The following FSTL4 variants were observed in gnomAD, a reference collection of about 807,000 sequenced individuals.
The protein encoded by FSTL4 is follistatin like 4.
In FSTL4, 28 loss-of-function variants were observed where a neutral mutation model predicts 78.2. That is an observed-to-expected ratio of 0.36 (90% CI 0.27 to 0.49). The LOEUF is 0.49. FSTL4 is among the 20% of genes least tolerant of loss of function. FSTL4 has a pLI of 0.98. For synonymous variants in FSTL4, 422 were observed against 440.5 expected (o/e 0.96, Z 0.53); for missense variants, 922 against 1,084.9 (o/e 0.85, Z 2.11).
chr5:133,496,134 T>C (rs1051925448), intron 3 of FSTL4, among the ~76,000 whole-genome samples: 23 of 152,220 alleles, frequency 1.5e-4, no homozygotes, highest in African/African-American at 5.5e-4. Context: ...ACTATGCCAC[T>C]ACACTCCACA....
chr5:133,240,053 C>T (rs903491056), intron 7 of FSTL4, among the ~76,000 whole-genome samples: 5 of 152,208 alleles, frequency 3.3e-5, no homozygotes, highest in African/African-American at 1.2e-4. Context: ...GCAATAAATG[C>T]TGCTGCTCAC....
intron 3 of FSTL4, among the ~76,000 whole-genome samples, chr5:133,409,912 G>A (rs1036061236): frequency 6.6e-6 from 1 of 152,212 alleles, no homozygotes; most frequent in Admixed American, 6.5e-5. Context: ...GCAACCCTCA[G>A]TTTCCTCGTG....
intron 1 of FSTL4, among the ~76,000 whole-genome samples, chr5:133,605,664 C>G (rs1313779363): frequency 1.3e-5 from 2 of 152,162 alleles, no homozygotes; most frequent in African/African-American, 4.8e-5. Flanking sequence ...AAATTGTGGG[C>G]CTATGGCACT....
the FSTL4 span, among the ~76,000 whole-genome samples, chr5:133,839,202 T>C: frequency 2.0e-5 from 3 of 152,192 alleles, no homozygotes; most frequent in Admixed American, 6.5e-5. Context: ...TAGGCAGACA[T>C]GGCCTGAGTC....
chr5:133,511,803 G>C (rs1453204853), intron 3 of FSTL4, among the ~76,000 whole-genome samples: 1 of 152,170 alleles, frequency 6.6e-6, no homozygotes, highest in African/African-American at 2.4e-5. Context: ...AGAGGAAAGA[G>C]ACAGGGCAGC....
the FSTL4 span, among the ~76,000 whole-genome samples, chr5:133,677,567 A>T: frequency 6.6e-6 from 1 of 152,250 alleles, no homozygotes; most frequent in East Asian, 1.9e-4. Context: ...CCTGCAAGTG[A>T]ATAGACTTAA....
the FSTL4 span, among the ~76,000 whole-genome samples, chr5:133,813,105 T>C: frequency 1.3e-5 from 2 of 151,998 alleles, no homozygotes; most frequent in African/African-American, 4.8e-5. Flanking sequence ...CCCACACTCA[T>C]CTCCAGAAGT....
At chr5:133,583,234 C>G (rs1375367494) in intron 2 of FSTL4, 1 of 455,912 alleles carries the variant, frequency 2.2e-6, no homozygotes, top group South Asian at 1.5e-5. Flanking sequence ...ATCACAGTAA[C>G]CAACTTGGCT....
At chr5:133,315,255 G>A (rs1753876969) in intron 5 of FSTL4, among the ~76,000 whole-genome samples, 1 of 152,202 alleles carries the variant, frequency 6.6e-6, no homozygotes, top group Non-Finnish European at 1.5e-5. Context: ...GTTCACAGCT[G>A]AACACAGAGG....
intron 2 of FSTL4, among the ~76,000 whole-genome samples, chr5:133,577,938 AGCACTTTGGG>A (rs1760322081): frequency 6.6e-6 from 1 of 152,238 alleles, no homozygotes; most frequent in Non-Finnish European, 1.5e-5. Flanking sequence ...GCAAGTCTCC[AGCACTTTGGG>A]GCTGAAACAG....
chr5:133,240,452 G>A (rs779372841), intron 7 of FSTL4, among the ~76,000 whole-genome samples: 3 of 152,200 alleles, frequency 2.0e-5, no homozygotes, highest in East Asian at 1.9e-4. Context: ...TGCATTCAGT[G>A]TGAGCAACCT....
intron 6 of FSTL4, among the ~76,000 whole-genome samples, chr5:133,286,735 C>T (rs1049374330): frequency 6.6e-6 from 1 of 152,170 alleles, no homozygotes; most frequent in African/African-American, 2.4e-5. Flanking sequence ...CAGTGGACTG[C>T]AAGGATCCTA....
chr5:133,221,891 G>GA (rs1751119476), intron 11 of FSTL4, among the ~76,000 whole-genome samples: 2 of 43,360 alleles, frequency 4.6e-5, no homozygotes, highest in Middle Eastern at 0.013. Flanking sequence ...CTCTTTTCTA[G>GA]TTTTTTTTTT....
At chr5:133,608,913 C>G (rs147755559) in intron 1 of FSTL4, among the ~76,000 whole-genome samples, 22 of 152,198 alleles carry the variant, frequency 1.4e-4, no homozygotes, top group African/African-American at 5.1e-4. Flanking sequence ...CTTTATTGAC[C>G]AAGTTCATAG....
chr5:133,332,297 A>G (rs1754367507), intron 4 of FSTL4, among the ~76,000 whole-genome samples: 1 of 152,192 alleles, frequency 6.6e-6, no homozygotes, highest in African/African-American at 2.4e-5. Context: ...CACACTGCGC[A>G]ATGACTCCAG....
intron 6 of FSTL4, among the ~76,000 whole-genome samples, chr5:133,285,090 A>T (rs1028955423): frequency 6.6e-6 from 1 of 152,246 alleles, no homozygotes; most frequent in Non-Finnish European, 1.5e-5. Context: ...AAAACATGGC[A>T]TTGAGTCAAT....
At chr5:133,802,646 C>T in the FSTL4 span, among the ~76,000 whole-genome samples, 2 of 144,442 alleles carry the variant, frequency 1.4e-5, no homozygotes, top group Non-Finnish European at 1.5e-5. Context: ...CTGCACAGAG[C>T]ACCATCATCC....
intron 3 of FSTL4, among the ~76,000 whole-genome samples, chr5:133,473,686 T>G (rs1335646301): frequency 6.6e-6 from 1 of 152,240 alleles, no homozygotes; most frequent in Non-Finnish European, 1.5e-5. Flanking sequence ...CTCATGCTGC[T>G]GTGAAGAAAT....
At chr5:133,823,144 C>G in the FSTL4 span, among the ~76,000 whole-genome samples, 2 of 152,158 alleles carry the variant, frequency 1.3e-5, no homozygotes, top group African/African-American at 4.8e-5. Flanking sequence ...TCTGGATGGG[C>G]AAGAACAAAA....
Sources: gnomAD v4.1 joint callset for allele counts (sites outside exome capture counted in the v4.1 genomes callset) on GRCh38, gnomAD v4.1.1 for gene constraint, MANE v1.5 for transcripts, NCBI Gene and HGNC (gene_info 2026-07-23, HGNC 2026-07-21) for gene names.